SAMSN1: variants seen among roughly 807,000 people sequenced by gnomAD.
The protein encoded by SAMSN1 is SAM domain-containing protein SAMSN-1.
Under a neutral mutation model 42.0 loss-of-function variants are expected in SAMSN1, and 31 were observed. The ratio of observed to expected loss-of-function variants is 0.74; its 90% confidence interval spans 0.55 to 1.00. The LOEUF is 1.00. Ranked by LOEUF, SAMSN1 falls within the 50% of genes least tolerant of loss-of-function variation. The pLI, the probability that SAMSN1 is intolerant of heterozygous loss-of-function variation, is 0.00. For missense variants in SAMSN1, 464 were observed against 439.4 expected (o/e 1.06, Z -0.50); for synonymous variants, 178 against 151.9 (o/e 1.17, Z -1.26).
chr21:14,658,389 A>G (rs930374134), intron 1 of SAMSN1, among the ~76,000 whole-genome samples: 8 of 151,926 alleles, frequency 5.3e-5, no homozygotes, highest in Non-Finnish European at 8.8e-5. Context: ...GGGATGTCTC[A>G]AAGCAAAGCA....
chr21:14,529,583 C>T (rs1050858543), intron 1 of SAMSN1, among the ~76,000 whole-genome samples: 4 of 152,088 alleles, frequency 2.6e-5, no homozygotes, highest in East Asian at 1.9e-4. Context: ...TAAGGGCTGT[C>T]GGTATGAATA....
At chr21:14,565,044 C>T (rs1351832050) in intron 2 of SAMSN1, among the ~76,000 whole-genome samples, 1 of 152,070 alleles carries the variant, frequency 6.6e-6, no homozygotes, top group African/African-American at 2.4e-5. Context: ...CCTGTAATCC[C>T]AGCACTTTGG....
chr21:14,514,495 G>C (rs987155824), intron 3 of SAMSN1, among the ~76,000 whole-genome samples: 13 of 152,114 alleles, frequency 8.5e-5, no homozygotes, highest in Non-Finnish European at 1.9e-4. Context: ...GATTATGATA[G>C]TAATCCAGGA....
chr21:14,646,765 G>A (rs560484923), intron 1 of SAMSN1, among the ~76,000 whole-genome samples: 1 of 152,286 alleles, frequency 6.6e-6, no homozygotes, highest in Admixed American at 6.5e-5. Context: ...AAGTTAAAAA[G>A]CAGGGAGACA....
intron 1 of SAMSN1, among the ~76,000 whole-genome samples, chr21:14,650,282 T>A (rs1283764227): frequency 2.0e-5 from 3 of 152,030 alleles, no homozygotes; most frequent in Non-Finnish European, 2.9e-5. Flanking sequence ...GAATACAACA[T>A]ATGTAAAACA....
Position 14,545,714 on chromosome 21 carries a change from C to T in SAMSN1, c.57+491G>A, listed in dbSNP as rs77752494. ...GAATAGCAAATATACATCTTTACAA[C>T]GAGCTATCATGATTTAACATTCAAA... On this transcript the variant is annotated intron_variant, in intron 1 of 7. Transcript: ENST00000400566. Among the ~76,000 whole-genome samples, 667 of 152,158 alleles carry T rather than the reference C, an allele frequency of 4.4e-3. 4 individuals carry two copies. The highest frequency in any genetic ancestry group is 0.015 in the African/African-American group (618 of 41,530).
At position 14,606,346 on chromosome 21, in the gene SAMSN1, T is replaced by C. The variant is rs559461772; in HGVS notation, c.322+3136A>G. Among the ~76,000 whole-genome samples, 4 of 152,282 alleles carry C rather than the reference T, an allele frequency of 2.6e-5. No individual in the cohort carries two copies. In the South Asian group the frequency reaches 8.3e-4, roughly 32 times the overall value. On this transcript the variant is annotated intron_variant, in intron 5 of 15. Coordinates refer to the SAMSN1 transcript ENST00000647101. ...TCTGAATCTCCAAATATGTTTTGTT[T>C]CCTTTTTATTATTTTTTAAATGTTG... is the stretch of plus-strand genomic sequence containing the variant.
In SAMSN1 at chr21:14,504,189, C is replaced by G. The variant is rs570657240; in HGVS notation, c.562-3454G>C. 8.5e-5 allele frequency among the ~76,000 whole-genome samples: 13 copies of G among 152,220 alleles called. No individual in the cohort carries two copies. The South Asian group carries it at 2.1e-3, about 24-fold the overall frequency. On this transcript the variant is annotated intron_variant, in intron 5 of 7. Transcript: ENST00000400566. ...AACCAACTCTGATAACATGACAAAA[C>G]AAGCTTCTTTAACACCATCAAAAAA...
At chr21:14,575,483 G>A (rs1056405283) in intron 2 of SAMSN1, among the ~76,000 whole-genome samples, 2 of 152,062 alleles carry the variant, frequency 1.3e-5, no homozygotes, top group Non-Finnish European at 2.9e-5. Flanking sequence ...TTCCATAAGT[G>A]GTCCAAACAC....
intron 2 of SAMSN1, among the ~76,000 whole-genome samples, chr21:14,571,921 C>T (rs1981314882): frequency 6.6e-6 from 1 of 152,202 alleles, no homozygotes; most frequent in Non-Finnish European, 1.5e-5. Flanking sequence ...TTCTTAGTTC[C>T]AGGGAGATAA....
intron 1 of SAMSN1, among the ~76,000 whole-genome samples, chr21:14,651,091 A>G (rs1211503739): frequency 6.6e-6 from 1 of 152,080 alleles, no homozygotes; most frequent in African/African-American, 2.4e-5. Context: ...TCTGAATTCT[A>G]CCAAACCTTT....
At chr21:14,538,415 G>T (rs570620609) in intron 1 of SAMSN1, among the ~76,000 whole-genome samples, 1 of 152,164 alleles carries the variant, frequency 6.6e-6, no homozygotes, top group Non-Finnish European at 1.5e-5. Flanking sequence ...TGCATCTACA[G>T]GGCTTTTTTC....
chr21:14,638,638 G>A (rs1983523081), intron 2 of SAMSN1, among the ~76,000 whole-genome samples: 1 of 152,214 alleles, frequency 6.6e-6, no homozygotes, highest in Non-Finnish European at 1.5e-5. Context: ...AGTCCCTACT[G>A]TAGAGTGAAA....
chr21:14,610,688 C>T lies in SAMSN1; in HGVS notation c.236-1120G>A, dbSNP rs76094811. Among the ~76,000 whole-genome samples, 4 of 152,294 alleles carry T rather than the reference C, an allele frequency of 2.6e-5. No individual in the cohort carries two copies. In the East Asian group the frequency reaches 7.7e-4, roughly 29 times the overall value. ...TTGTGTACTCTTTCCCTTTATTTGT[C>T]AGACTGGCTGACACTTAGACAAATA... is the stretch of plus-strand genomic sequence containing the variant. On this transcript the variant is annotated intron_variant, in intron 4 of 15. Coordinates refer to the SAMSN1 transcript ENST00000647101.
rs748133817 is a variant in SAMSN1 at position 14,512,410 on chromosome 21, AC to A, written c.409+33del. 8.7e-6 allele frequency: 14 copies of A among 1,608,146 alleles called. No individual in the cohort carries two copies. The African/African-American group carries it at 1.7e-4, about 20-fold the overall frequency. On this transcript the variant is annotated intron_variant, in intron 4 of 7. Coordinates refer to ENST00000400566, the MANE Select transcript of SAMSN1 (RefSeq NM_022136.5). ...TTAATTAATTTAACCCAGACCTCACACCCAGGATCTTGTCCCTGATTCATTA... is the reference window on the plus strand; with the variant it reads ...TTAATTAATTTAACCCAGACCTCACACCAGGATCTTGTCCCTGATTCATTA...
intron 7 of SAMSN1, among the ~76,000 whole-genome samples, chr21:14,497,649 G>A (rs942190946): frequency 1.3e-5 from 2 of 152,116 alleles, no homozygotes; most frequent in African/African-American, 2.4e-5. Flanking sequence ...TTTTGATAGA[G>A]AAGGCTGGAT....
chr21:14,619,360 T>A (rs1214968021), intron 2 of SAMSN1, among the ~76,000 whole-genome samples: 1 of 152,172 alleles, frequency 6.6e-6, no homozygotes, highest in Non-Finnish European at 1.5e-5. Context: ...TGGCAGCAAT[T>A]GATGATGTAA....
At chr21:14,561,125 G>A (rs1980934781) in intron 2 of SAMSN1, among the ~76,000 whole-genome samples, 4 of 152,100 alleles carry the variant, frequency 2.6e-5, no homozygotes, top group Admixed American at 2.0e-4. Context: ...TAGAATCTAA[G>A]ATTGGTTTTT....
intron 5 of SAMSN1, among the ~76,000 whole-genome samples, chr21:14,503,260 G>A (rs1987253903): frequency 6.6e-6 from 1 of 152,104 alleles, no homozygotes; most frequent in South Asian, 2.1e-4. Flanking sequence ...AGGCCTGAGT[G>A]AGCTTTTTCC....
Sources: allele counts gnomAD v4.1 joint callset (sites outside exome capture counted in the v4.1 genomes callset), GRCh38; gene constraint gnomAD v4.1.1; transcripts MANE v1.5; gene names NCBI Gene and HGNC (gene_info 2026-07-23, HGNC 2026-07-21).